KIF16B: variants seen among roughly 807,000 people sequenced by gnomAD.
KIF16B encodes the protein kinesin-like protein KIF16B.
In KIF16B, 98 loss-of-function variants were observed where a neutral mutation model predicts 156.3. The observed-to-expected ratio is 0.63, with a 90% CI of 0.53 to 0.74. The LOEUF is 0.74. Ranked by LOEUF, KIF16B falls within the 30% of genes least tolerant of loss-of-function variation. The probability of loss-of-function intolerance (pLI) is 0.00; values close to 1 mark genes in which losing one functional copy is unlikely to be tolerated. For synonymous variants in KIF16B, 564 were observed against 583.7 expected, an observed-to-expected ratio of 0.97 and a Z score of 0.49; for missense variants, 1,421 against 1,606.5, an observed-to-expected ratio of 0.88 and a Z score of 1.97.
chr20:16,549,544 G>C (rs1419201946), intron 1 of KIF16B, among the ~76,000 whole-genome samples: 1 of 152,026 alleles, frequency 6.6e-6, no homozygotes, highest in African/African-American at 2.4e-5. Flanking sequence ...ATAGTCCTTT[G>C]GGTATATACC....
At chr20:16,549,642 A>T (rs1445344615) in intron 1 of KIF16B, among the ~76,000 whole-genome samples, 5 of 151,646 alleles carry the variant, frequency 3.3e-5, no homozygotes, top group African/African-American at 1.2e-4. Context: ...CTGGTACCAA[A>T]ACAGAGATAT....
chr20:16,357,683 T>C (rs2064470806), intron 22 of KIF16B, among the ~76,000 whole-genome samples: 1 of 152,190 alleles, frequency 6.6e-6, no homozygotes, highest in African/African-American at 2.4e-5. Context: ...CTTAGCTGTG[T>C]GCATGAAAGC....
chr20:16,409,948 CATATATATATATATATATAT>C (rs74175688), intron 15 of KIF16B, among the ~76,000 whole-genome samples: 1 of 54,950 alleles, frequency 1.8e-5, no homozygotes, highest in Non-Finnish European at 3.0e-5. Context: ...CACTTACCTA[CATATATATATATATATATAT>C]ACATATATAT....
chr20:16,361,992 G>A (rs1320384334), intron 22 of KIF16B, among the ~76,000 whole-genome samples: 5 of 152,122 alleles, frequency 3.3e-5, no homozygotes, highest in Admixed American at 2.0e-4. Flanking sequence ...ATCAATTAAC[G>A]GCTGATTTTA....
rs187019862 is a variant in KIF16B, at chr20:16,494,269, A to G, written c.1302+22T>C. The G allele has an allele frequency of 2.0e-6, 3 of 1,496,826 alleles. No homozygotes were observed. In the African/African-American group the frequency reaches 4.2e-5, roughly 21 times the overall value. 92.7% of individuals were successfully genotyped at this position (1,496,826 alleles called of 1,614,324 possible). A position where few individuals can be genotyped will look rare whatever the true frequency, so the allele number is the denominator to read the frequency against. On this transcript the variant is annotated intron_variant, in intron 12 of 25. Transcript: ENST00000354981. The stretch of plus-strand genomic sequence containing the variant: ...AGTTTAATCCACCATAGTAAGACTA[A>G]ACACATTTTTCTAGTCCTTACTTTC...
At chr20:16,333,541 T>C (rs2063985532) in intron 24 of KIF16B, among the ~76,000 whole-genome samples, 1 of 152,176 alleles carries the variant, frequency 6.6e-6, no homozygotes, top group Non-Finnish European at 1.5e-5. Flanking sequence ...CATTTGAAGG[T>C]TTTTTAAAAC....
At chr20:16,412,313 G>A (rs1468388116) in intron 15 of KIF16B, among the ~76,000 whole-genome samples, 1 of 152,058 alleles carries the variant, frequency 6.6e-6, no homozygotes, top group East Asian at 1.9e-4. Context: ...CCAGAAGGAA[G>A]AGACTGAGGA....
In KIF16B at chr20:16,530,877, T is replaced by C. The variant is rs531503623; in HGVS notation, c.48-2437A>G. Among the ~76,000 whole-genome samples, 41 of 152,222 alleles carry C rather than the reference T, an allele frequency of 2.7e-4. 2 individuals carry two copies. Among genetic ancestry groups the C allele is most frequent in the Middle Eastern group, 6.8e-3 (2 of 294 alleles). ...CCACTGCACCTGCCTATTTTTGTAT[T>C]TTTTGTAGAGATGGAGTTTTGCTGT... On this transcript the variant is annotated intron_variant, in intron 1 of 25. Transcript: ENST00000354981.
intron 10 of KIF16B, among the ~76,000 whole-genome samples, chr20:16,503,391 G>T (rs949430982): frequency 2.6e-5 from 4 of 152,066 alleles, no homozygotes; most frequent in Non-Finnish European, 5.9e-5. Context: ...CTATTCAACT[G>T]CTGTCCACCA....
intron 12 of KIF16B, among the ~76,000 whole-genome samples, chr20:16,475,154 A>G (rs1314672822): frequency 6.6e-6 from 1 of 152,262 alleles, no homozygotes; most frequent in Non-Finnish European, 1.5e-5. Flanking sequence ...CAAAGAATTT[A>G]GCATTTGTAA....
At chr20:16,465,311 A>G (rs1406871366) in intron 12 of KIF16B, among the ~76,000 whole-genome samples, 3 of 152,184 alleles carry the variant, frequency 2.0e-5, no homozygotes, top group Non-Finnish European at 2.9e-5. Flanking sequence ...GAAAGTCAAG[A>G]GCTTTTTAAT....
chr20:16,492,784 T>C (rs1472355608), intron 12 of KIF16B, among the ~76,000 whole-genome samples: 1 of 152,190 alleles, frequency 6.6e-6, no homozygotes, highest in Admixed American at 6.5e-5. Flanking sequence ...GCACTATGTA[T>C]ACTAAGGACT....
At chr20:16,488,909 G>C (rs1223535354) in intron 12 of KIF16B, among the ~76,000 whole-genome samples, 1 of 152,242 alleles carries the variant, frequency 6.6e-6, no homozygotes, top group Non-Finnish European at 1.5e-5. Flanking sequence ...TGGCAGTGCA[G>C]TCCAGAGCCT....
Position 16,565,822 on chromosome 20 carries a change from T to C in KIF16B, c.47+7407A>G, listed in dbSNP as rs994026946. 3.3e-5 allele frequency among the ~76,000 whole-genome samples: 5 copies of C among 152,190 alleles called. No individual in the cohort carries two copies. In the East Asian group the frequency reaches 7.7e-4, roughly 23 times the overall value. On this transcript the variant is annotated intron_variant, in intron 1 of 25. Coordinates refer to ENST00000354981, the MANE Select transcript of KIF16B (RefSeq NM_024704.5). ...CGCGTAGGGCCAGCATCACTGCCTT[T>C]GGGAAAGGTCATTCTTCCACTTAAT...
At chr20:16,511,562 T>A in intron 5 of KIF16B, 35 bp from the exon 6 acceptor site, 1 of 1,378,968 alleles carries the variant, frequency 7.3e-7, no homozygotes, top group African/African-American at 1.4e-5. Flanking sequence ...TTCAGAAAAA[T>A]GATTTCAGAC....
intron 1 of KIF16B, among the ~76,000 whole-genome samples, chr20:16,547,434 T>G (rs990370586): frequency 2.6e-5 from 4 of 152,216 alleles, no homozygotes; most frequent in African/African-American, 9.6e-5. Flanking sequence ...CTGACTTTGG[T>G]AAGTGAAACA....
intron 25 of KIF16B, among the ~76,000 whole-genome samples, chr20:16,296,051 G>C (rs2063381821): frequency 6.6e-6 from 1 of 152,134 alleles, no homozygotes; most frequent in African/African-American, 2.4e-5. Context: ...CAGTTTCAAA[G>C]ACCTTTCCTT....
intron 1 of KIF16B, among the ~76,000 whole-genome samples, chr20:16,561,465 A>G (rs962967465): frequency 5.3e-5 from 8 of 151,788 alleles, no homozygotes; most frequent in East Asian, 1.9e-4. Context: ...AGTCAGTGGG[A>G]AAAAAAAAGT....
At chr20:16,500,961 C>T (rs1007943022) in intron 10 of KIF16B, among the ~76,000 whole-genome samples, 2 of 151,998 alleles carry the variant, frequency 1.3e-5, no homozygotes, top group African/African-American at 4.8e-5. Flanking sequence ...CAGATACATT[C>T]AAGAGAGATG....
Sources: allele counts gnomAD v4.1 joint callset (sites outside exome capture counted in the v4.1 genomes callset), GRCh38; gene constraint gnomAD v4.1.1; transcripts MANE v1.5; gene names NCBI Gene and HGNC (gene_info 2026-07-23, HGNC 2026-07-21).